The following ADAMTS6 variants were observed in gnomAD, a reference collection of about 807,000 sequenced individuals.
ADAMTS6 encodes the protein A disintegrin and metalloproteinase with thrombospondin motifs 6.
A neutral mutation model predicts 144.3 loss-of-function variants in ADAMTS6; 23 were observed. The ratio of observed to expected loss-of-function variants is 0.16; its 90% CI spans 0.11 to 0.23. The LOEUF (loss-of-function observed/expected upper bound fraction) is 0.23, where lower values mean the gene tolerates loss of function less well. Among genes scored for constraint, ADAMTS6 ranks in the 10% least tolerant of loss-of-function variants. The probability of loss-of-function intolerance (pLI) is 1.00; values close to 1 mark genes in which losing one functional copy is unlikely to be tolerated. For synonymous variants in ADAMTS6, 444 were observed against 457.5 expected (o/e 0.97, Z 0.38); for missense variants, 999 against 1,379.6 (o/e 0.72, Z 4.37).
At position 65,252,161 on chromosome 5, in the gene ADAMTS6, T is replaced by G. The variant is rs989919028; in HGVS notation, c.1830+8439A>C. ...TGTAGGGATCCACATAGGAGGAATA[T>G]CAAAGCTTCAAAATAATAAAGTATT... On this transcript the variant is annotated intron_variant, in intron 14 of 24. Coordinates refer to ENST00000381055, the MANE Select transcript of ADAMTS6 (RefSeq NM_197941.4). Among the ~76,000 whole-genome samples, 11 of 152,166 alleles carry G rather than the reference T, an allele frequency of 7.2e-5. No homozygotes were observed. The South Asian group carries it at 2.3e-3, about 32-fold the overall frequency.
chr5:65,371,622 G>C (rs1179644529), intron 7 of ADAMTS6, among the ~76,000 whole-genome samples: 2 of 152,246 alleles, frequency 1.3e-5, no homozygotes, highest in East Asian at 3.9e-4. Context: ...GGGACTATGT[G>C]AAAAGACCAA....
chr5:65,265,584 T>C (rs1026890787), intron 12 of ADAMTS6, among the ~76,000 whole-genome samples: 1 of 152,050 alleles, frequency 6.6e-6, no homozygotes, highest in Non-Finnish European at 1.5e-5. Context: ...GCTTTTTTTT[T>C]TCCCTGTCTG....
intron 9 of ADAMTS6, among the ~76,000 whole-genome samples, chr5:65,328,015 G>A (rs1484802057): frequency 2.0e-5 from 3 of 152,092 alleles, no homozygotes; most frequent in Non-Finnish European, 4.4e-5. Flanking sequence ...TGGTTAAGGG[G>A]GGGCTTTTCC....
chr5:65,251,913 C>G (rs1030384959), intron 14 of ADAMTS6: 7 of 152,180 alleles, frequency 4.6e-5, no homozygotes, highest in Non-Finnish European at 8.8e-5. Flanking sequence ...ACCCTGTTCC[C>G]TTTCCACCAA....
At position 65,473,308 on chromosome 5, in the gene ADAMTS6, G is replaced by A. The variant is rs568838047; in HGVS notation, c.97+269C>T. Reference sequence around the variant, plus strand: ...AATGAACAAGCTTATTAAAGTTTAAGTTTCAGAAGAACAAGGCCTGGGGTC... The same window carrying A: ...AATGAACAAGCTTATTAAAGTTTAAATTTCAGAAGAACAAGGCCTGGGGTC... On this transcript the variant is annotated intron_variant, in intron 2 of 24. Transcript: ENST00000381055. 3.3e-5 allele frequency among the ~76,000 whole-genome samples: 5 copies of A among 152,162 alleles called. No homozygotes were observed. In the East Asian group the frequency reaches 7.7e-4, roughly 23 times the overall value.
chr5:65,167,296 C>T lies in ADAMTS6; in HGVS notation c.3244+3321G>A, dbSNP rs1383244915. Among the ~76,000 whole-genome samples, 4 of 152,210 alleles carry T rather than the reference C, an allele frequency of 2.6e-5. 1 individual carries two copies. In the South Asian group the frequency reaches 8.3e-4, roughly 32 times the overall value. On this transcript the variant is annotated intron_variant, in intron 24 of 24. Coordinates refer to ENST00000381055, the MANE Select transcript of ADAMTS6 (RefSeq NM_197941.4). ...TAGAAAATCTAGAAGAAATGGATAA[C>T]TTCCTCGACACATACACCCTCCCAA...
At chr5:65,450,891 GA>G (rs1247857628) in intron 7 of ADAMTS6, among the ~76,000 whole-genome samples, 5 of 152,066 alleles carry the variant, frequency 3.3e-5, no homozygotes, top group Non-Finnish European at 5.9e-5. Flanking sequence ...AGCAATATAA[GA>G]ATTCAATGGG....
At chr5:65,409,836 G>T (rs1258450396) in intron 7 of ADAMTS6, among the ~76,000 whole-genome samples, 1 of 152,206 alleles carries the variant, frequency 6.6e-6, no homozygotes, top group African/African-American at 2.4e-5. Flanking sequence ...TGCAAGGCTT[G>T]TTCAACATAT....
chr5:65,196,957 T>C, intron 21 of ADAMTS6, 65 bp downstream of exon 21: 1 of 1,554,948 alleles, frequency 6.4e-7, no homozygotes, highest in East Asian at 2.3e-5. Context: ...TTTCCAAACA[T>C]GAATACATAA....
intron 24 of ADAMTS6, among the ~76,000 whole-genome samples, chr5:65,161,658 A>G (rs542084306): frequency 5.9e-5 from 9 of 152,236 alleles, no homozygotes; most frequent in Non-Finnish European, 1.2e-4. Flanking sequence ...ACTTATAAAT[A>G]TATTTAAATT....
rs572234510 is a variant in ADAMTS6 at position 65,459,026 on chromosome 5, CT to C, written c.631+1143del. Among the ~76,000 whole-genome samples, 630 of 148,328 alleles carry C rather than the reference CT, an allele frequency of 4.2e-3. 5 individuals carry two copies. The highest frequency in any genetic ancestry group is 7.4e-3 in the Non-Finnish European group (497 of 66,974). On this transcript the variant is annotated intron_variant, in intron 4 of 24. Transcript: ENST00000381055. ...ATCCACTGTTTCTCTTCATTTTCGT[CT>C]TTTTTTTTTCTTTCTTTTTTTTCCT... is the stretch of plus-strand genomic sequence containing the variant.
At chr5:65,443,622 C>CAA (rs59240974) in intron 7 of ADAMTS6, among the ~76,000 whole-genome samples, 2,122 of 69,034 alleles carry the variant, frequency 0.031, 203 homozygotes, top group African/African-American at 0.057. Context: ...GACCCTGTCT[C>CAA]AAAAAAAAAA....
rs567905483 is a variant in ADAMTS6 at position 65,391,922 on chromosome 5, G to A, written c.1074-57837C>T. Among the ~76,000 whole-genome samples, 16 of 152,082 alleles carry A rather than the reference G, an allele frequency of 1.1e-4. No homozygotes were observed. In the East Asian group the frequency reaches 1.7e-3, roughly 17 times the overall value. ...AGCTAATTTTTGTATTTTTAGCAGC[G>A]ATGGGATTTTGCCACATTGGCCAGG... On this transcript the variant is annotated intron_variant, in intron 7 of 24. Transcript: ENST00000381055.
At chr5:65,271,765 G>GTA (rs1172348826) in intron 12 of ADAMTS6, among the ~76,000 whole-genome samples, 1 of 152,042 alleles carries the variant, frequency 6.6e-6, no homozygotes, top group African/African-American at 2.4e-5. Flanking sequence ...TTATGGTTGT[G>GTA]TATTTCTTCT....
At chr5:65,321,708 C>CTTTTTTTT (rs529236363) in intron 9 of ADAMTS6, among the ~76,000 whole-genome samples, 25 of 78,890 alleles carry the variant, frequency 3.2e-4, no homozygotes, top group East Asian at 4.4e-4. Flanking sequence ...TTTTCTTTTC[C>CTTTTTTTT]TTTTTTTTTT....
At chr5:65,446,814 TGA>T (rs960184919) in intron 7 of ADAMTS6, among the ~76,000 whole-genome samples, 5 of 152,240 alleles carry the variant, frequency 3.3e-5, no homozygotes, top group African/African-American at 1.2e-4. Context: ...GAGTGGGGAC[TGA>T]GGGGAATGTA....
chr5:65,331,910 G>A (rs1746762064), intron 8 of ADAMTS6, among the ~76,000 whole-genome samples: 1 of 151,764 alleles, frequency 6.6e-6, no homozygotes, highest in Admixed American at 6.6e-5. Flanking sequence ...CAATATACAA[G>A]TTTATAATTT....
intron 7 of ADAMTS6, among the ~76,000 whole-genome samples, chr5:65,446,236 T>C (rs1345044351): frequency 6.6e-6 from 1 of 152,184 alleles, no homozygotes; most frequent in Non-Finnish European, 1.5e-5. Context: ...ATGAAACCAA[T>C]ATATAATCCT....
chr5:65,373,285 C>T (rs1460271153), intron 7 of ADAMTS6, among the ~76,000 whole-genome samples: 1 of 151,220 alleles, frequency 6.6e-6, no homozygotes, highest in East Asian at 1.9e-4. Context: ...AATAGAGACA[C>T]AAAAAGCCCT....
Sources: allele counts gnomAD v4.1 joint callset (sites outside exome capture counted in the v4.1 genomes callset), GRCh38; gene constraint gnomAD v4.1.1; transcripts MANE v1.5; gene names NCBI Gene and HGNC (gene_info 2026-07-23, HGNC 2026-07-21).